The following CECR2 variants were observed in gnomAD, a reference collection of about 807,000 sequenced individuals.
CECR2 encodes CECR2 histone acetyl-lysine reader.
CECR2 carries 30 observed loss-of-function variants against 154.5 expected under a neutral mutation model. The observed-to-expected ratio is 0.19, with a 90% CI of 0.15 to 0.26. The LOEUF (loss-of-function observed/expected upper bound fraction) is 0.26, where lower values mean the gene tolerates loss of function less well. Ranked by LOEUF, CECR2 falls within the 10% of genes least tolerant of loss-of-function variation. The probability of loss-of-function intolerance (pLI) is 1.00; values close to 1 mark genes in which losing one functional copy is unlikely to be tolerated. For missense variants in CECR2, 1,743 were observed against 1,829.3 expected (o/e 0.95, Z 0.86); for synonymous variants, 725 against 683.7 (o/e 1.06, Z -0.94).
chr22:17,502,971 CACAT>C, intron 5 of CECR2, 107 bp from the exon 6 acceptor site: 2 of 883,974 alleles, frequency 2.3e-6, no homozygotes, highest in South Asian at 1.6e-5. Context: ...TTAACACACA[CACAT>C]ACACTCTCTT....
chr22:17,388,029 G>C (rs1011989963), intron 1 of CECR2, among the ~76,000 whole-genome samples: 1 of 151,550 alleles, frequency 6.6e-6, no homozygotes, highest in Non-Finnish European at 1.5e-5. Context: ...ATCTGGGCTC[G>C]CTGTAACCTC....
chr22:17,514,818 G>C (rs1302518345), intron 8 of CECR2, among the ~76,000 whole-genome samples: 6 of 152,094 alleles, frequency 3.9e-5, no homozygotes, highest in Non-Finnish European at 7.4e-5. Flanking sequence ...CAGATCACAA[G>C]GTCAGGAGAT....
Position 17,549,783 on chromosome 22 carries a change from G to GTTTTTTTTTT in CECR2, c.4277+219_4277+220insTTTTTTTTTT, listed in dbSNP as rs1491166897. ...TGCCACCACACCCAGCTAACTTTTTGGTTTTTTTTTTTTTTTTTTTTTGGT... is the reference window on the plus strand; with the variant it reads ...TGCCACCACACCCAGCTAACTTTTTGTTTTTTTTTTGTTTTTTTTTTTTTTTTTTTTTGGT... On this transcript the variant is annotated intron_variant, in intron 17 of 18. Transcript: ENST00000262608. Among the ~76,000 whole-genome samples the GTTTTTTTTTT allele has an allele frequency of 5.6e-5, 5 of 88,854 alleles. 2 individuals are homozygous for GTTTTTTTTTT. Among genetic ancestry groups the GTTTTTTTTTT allele is most frequent in the Non-Finnish European group, 2.1e-5 (1 of 46,542 alleles). The allele number at this position is 88,854 out of a possible 152,430, so 58.3% of individuals were successfully genotyped here.
At chr22:17,455,756 G>A (rs749886192) in intron 1 of CECR2, among the ~76,000 whole-genome samples, 5 of 152,130 alleles carry the variant, frequency 3.3e-5, no homozygotes, top group East Asian at 1.9e-4. Flanking sequence ...AACTACAGGC[G>A]CACACCAGCA....
At chr22:17,529,542 T>C (rs1033036092) in intron 9 of CECR2, among the ~76,000 whole-genome samples, 8 of 151,812 alleles carry the variant, frequency 5.3e-5, no homozygotes, top group South Asian at 2.1e-4. Context: ...CTACTAAAAA[T>C]ACAAAAAATT....
Position 17,548,977 on chromosome 22 carries a change from T to A in CECR2, c.3690T>A (p.Pro1230=). The A allele has an allele frequency of 6.2e-7, 1 of 1,613,804 alleles. No individual in the cohort carries two copies. The highest frequency in any genetic ancestry group is 1.1e-5 in the South Asian group (1 of 91,070). Residue 1230 remains proline (P), a synonymous_variant, in exon 17 of 19, where the codon CCT becomes CCA. Transcript: ENST00000262608. ...GSPSGPPASQ[P]PPPRSLFSDK... ...CAAGCGGACCCCCAGCCAGTCAGCC[T>A]CCCCCACCAAGGTCCCTCTTCTCAG...
intron 16 of CECR2, among the ~76,000 whole-genome samples, chr22:17,543,828 G>A (rs1278599996): frequency 6.6e-6 from 1 of 152,094 alleles, no homozygotes; most frequent in East Asian, 1.9e-4. Context: ...CAAAGTGCTA[G>A]GATTACAGGC....
chr22:17,549,784 G>GT (rs10653895), intron 17 of CECR2, among the ~76,000 whole-genome samples: 3 of 136,048 alleles, frequency 2.2e-5, no homozygotes, highest in Admixed American at 7.9e-5. Context: ...TAACTTTTTG[G>GT]TTTTTTTTTT....
At chr22:17,381,885 T>C (rs1457614729) in intron 1 of CECR2, among the ~76,000 whole-genome samples, 1 of 89,992 alleles carries the variant, frequency 1.1e-5, no homozygotes, top group East Asian at 2.9e-4. Flanking sequence ...AGCCCCCACA[T>C]TTTTTTTTTT....
intron 1 of CECR2, among the ~76,000 whole-genome samples, chr22:17,383,309 T>G (rs796448493): frequency 5.9e-5 from 9 of 152,342 alleles, no homozygotes; most frequent in African/African-American, 2.2e-4. Flanking sequence ...TGTCTGAATA[T>G]TCCTTTCATG....
At chr22:17,418,162 A>C (rs1258636955) in intron 1 of CECR2, among the ~76,000 whole-genome samples, 1 of 152,184 alleles carries the variant, frequency 6.6e-6, no homozygotes, top group African/African-American at 2.4e-5. Context: ...CGTGCAGTCA[A>C]ATCTGCCCCA....
intron 8 of CECR2, among the ~76,000 whole-genome samples, chr22:17,518,090 A>G (rs1160381980): frequency 6.6e-6 from 1 of 151,984 alleles, no homozygotes; most frequent in East Asian, 1.9e-4. Flanking sequence ...GATTTGCCTC[A>G]GAGCCCACCA....
At chr22:17,539,659 G>A (rs1480098404) in intron 13 of CECR2, among the ~76,000 whole-genome samples, 1 of 151,638 alleles carries the variant, frequency 6.6e-6, no homozygotes, top group Non-Finnish European at 1.5e-5. Flanking sequence ...AGAACTTAAA[G>A]TATAATAAAA....
intron 9 of CECR2, among the ~76,000 whole-genome samples, chr22:17,531,249 T>G (rs2401125): frequency 0.22 from 33,107 of 151,840 alleles, 3,813 homozygotes; most frequent in African/African-American, 0.28. Context: ...GACGGAGGAA[T>G]CGGGATTGTC....
intron 1 of CECR2, among the ~76,000 whole-genome samples, chr22:17,378,188 T>G (rs1249602361): frequency 6.6e-6 from 1 of 151,248 alleles, no homozygotes; most frequent in Non-Finnish European, 1.5e-5. Context: ...TTTCACCGTG[T>G]TAGCCAGGAT....
Position 17,524,103 on chromosome 22 carries a change from A to G in CECR2, c.955-15A>G, listed in dbSNP as rs1221855978. The G allele has an allele frequency of 3.8e-6, 6 of 1,571,464 alleles. No individual in the cohort carries two copies. The East Asian group carries it at 9.3e-5, about 24-fold the overall frequency. The stretch of plus-strand genomic sequence containing the variant: ...GATTGTGTACTGACCGGATGTGCTC[A>G]TTGGCTCCTCACAGGAGACTCCTGT... On this transcript the variant is annotated splice_polypyrimidine_tract_variant and intron_variant, in intron 8 of 18. Transcript: ENST00000262608.
chr22:17,419,560 A>G, intron 1 of CECR2: 1 of 226,802 alleles, frequency 4.4e-6, no homozygotes, highest in Non-Finnish European at 8.0e-6. Flanking sequence ...GAGGAGGAGG[A>G]GGAGGAAGAA....
intron 1 of CECR2, among the ~76,000 whole-genome samples, chr22:17,370,329 G>T (rs1469101353): frequency 6.7e-6 from 1 of 149,262 alleles, no homozygotes; most frequent in South Asian, 2.1e-4. Context: ...CGGGGGGGGG[G>T]CCCGCGCGGG....
rs533768758 is a variant in CECR2, at chr22:17,381,506, CT to C, written c.126+11598del. 7.8e-4 allele frequency among the ~76,000 whole-genome samples: 119 copies of C among 152,304 alleles called. 3 individuals carry two copies. The South Asian group carries it at 0.022, about 29-fold the overall frequency. ...GCAATGGAACCCATCTTCCTTACCC[CT>C]GACTCCGCTTGGATTTCTGTAACAT... On this transcript the variant is annotated intron_variant, in intron 1 of 18. Transcript: ENST00000262608.
Sources: allele counts gnomAD v4.1 joint callset (sites outside exome capture counted in the v4.1 genomes callset), GRCh38; gene constraint gnomAD v4.1.1; transcripts MANE v1.5; gene names NCBI Gene and HGNC (gene_info 2026-07-23, HGNC 2026-07-21).